Variants in PDE3A observed in about 807,000 individuals in gnomAD.
PDE3A encodes the protein phosphodiesterase 3A, also known as cGMP-inhibited 3',5'-cyclic phosphodiesterase 3A.
Under a neutral mutation model 98.3 loss-of-function variants are expected in PDE3A, and 43 were observed. The ratio of observed to expected loss-of-function variants is 0.44; its 90% confidence interval spans 0.34 to 0.56. The LOEUF (loss-of-function observed/expected upper bound fraction) is 0.56. Among genes scored for constraint, PDE3A ranks in the 20% least tolerant of loss-of-function variants. The pLI is 0.01. For missense variants in PDE3A, 1,427 were observed against 1,440.7 expected (o/e 0.99, Z 0.15); for synonymous variants, 663 against 567.9 (o/e 1.17, Z -2.38).
At chr12:20,622,444 T>C (rs1002891920) in intron 5 of PDE3A, among the ~76,000 whole-genome samples, 1 of 152,188 alleles carries the variant, frequency 6.6e-6, no homozygotes, top group African/African-American at 2.4e-5. Context: ...GATAGCTTTT[T>C]TGTACCATTT....
intron 1 of PDE3A, among the ~76,000 whole-genome samples, chr12:20,438,611 A>G (rs1944816725): frequency 6.6e-6 from 1 of 152,216 alleles, no homozygotes; most frequent in Non-Finnish European, 1.5e-5. Context: ...CATCTTTATC[A>G]CACAGGATAT....
Position 20,369,067 on chromosome 12 carries a change from TGAA to T in PDE3A, c.-213_-211del, listed in dbSNP as rs1408645133. ...AACTTGAGCGTGCTAGCCTTTAACT[TGAA>T]GAAGTCTCATTGGAGCATCTAGCAT... On this transcript the variant is annotated 5_prime_UTR_variant, in exon 1 of 16. Coordinates refer to ENST00000359062, the MANE Select transcript of PDE3A (RefSeq NM_000921.5). 6.6e-6 allele frequency among the ~76,000 whole-genome samples: 1 copy of T among 152,218 alleles called. No homozygotes were observed. The highest frequency in any genetic ancestry group is 2.4e-5 in the African/African-American group (1 of 41,454).
intron 13 of PDE3A, among the ~76,000 whole-genome samples, chr12:20,650,061 TAATA>T (rs1944880384): frequency 6.6e-6 from 1 of 152,246 alleles, no homozygotes; most frequent in Admixed American, 6.5e-5. Flanking sequence ...TGGGTTACAT[TAATA>T]AATTCATATA....
At chr12:20,374,868 T>C (rs1034463652) in intron 1 of PDE3A, among the ~76,000 whole-genome samples, 4 of 152,068 alleles carry the variant, frequency 2.6e-5, no homozygotes, top group African/African-American at 4.8e-5. Context: ...GGATAGGAGT[T>C]GTGTTTTTGA....
At chr12:20,548,063 C>T (rs972628852) in intron 1 of PDE3A, among the ~76,000 whole-genome samples, 3 of 151,896 alleles carry the variant, frequency 2.0e-5, no homozygotes, top group African/African-American at 4.8e-5. Flanking sequence ...AAATAAAAGA[C>T]GGAGAGAAGA....
chr12:20,517,593 G>A (rs1023509997), intron 1 of PDE3A, among the ~76,000 whole-genome samples: 3 of 152,186 alleles, frequency 2.0e-5, no homozygotes, highest in African/African-American at 7.2e-5. Flanking sequence ...AGTTCTACTG[G>A]ATGATTTACT....
chr12:20,374,098 C>T (rs1320062619), intron 1 of PDE3A, among the ~76,000 whole-genome samples: 1 of 152,050 alleles, frequency 6.6e-6, no homozygotes, highest in Admixed American at 6.6e-5. Context: ...ATATTGATTA[C>T]TTATGACTTG....
At chr12:20,625,649 T>C (rs1251571692) in intron 5 of PDE3A, among the ~76,000 whole-genome samples, 1 of 152,166 alleles carries the variant, frequency 6.6e-6, no homozygotes. Flanking sequence ...TGAGAGAGTT[T>C]TATAGCACAA....
intron 15 of PDE3A, among the ~76,000 whole-genome samples, chr12:20,655,593 T>TAAAAC (rs982351188): frequency 1.3e-5 from 2 of 152,216 alleles, no homozygotes; most frequent in South Asian, 2.1e-4. Flanking sequence ...GCTAAAAGCC[T>TAAAAC]AAAACAAAAC....
At chr12:20,528,084 A>C (rs117934617) in intron 1 of PDE3A, among the ~76,000 whole-genome samples, 2 of 152,338 alleles carry the variant, frequency 1.3e-5, no homozygotes, top group South Asian at 2.1e-4. Context: ...TAAAGGGTAC[A>C]TAGGCTTTGT....
At chr12:20,432,519 T>C (rs1183642456) in intron 1 of PDE3A, among the ~76,000 whole-genome samples, 2 of 152,172 alleles carry the variant, frequency 1.3e-5, no homozygotes, top group African/African-American at 2.4e-5. Context: ...GCACAGATTG[T>C]GGTGATGGTT....
At chr12:20,457,686 G>A (rs1304715638) in intron 1 of PDE3A, among the ~76,000 whole-genome samples, 1 of 151,200 alleles carries the variant, frequency 6.6e-6, no homozygotes, top group African/African-American at 2.4e-5. Flanking sequence ...ATCTACTTTT[G>A]GTAGGTTAAA....
chr12:20,400,341 CTT>C (rs1382767774), intron 1 of PDE3A, among the ~76,000 whole-genome samples: 1 of 126,024 alleles, frequency 7.9e-6, no homozygotes, highest in East Asian at 2.1e-4. Flanking sequence ...GTAGCTGAGT[CTT>C]TTGTTATAAA....
chr12:20,465,645 G>A (rs1248557902), intron 1 of PDE3A, among the ~76,000 whole-genome samples: 1 of 152,068 alleles, frequency 6.6e-6, no homozygotes, highest in Non-Finnish European at 1.5e-5. Context: ...TCCTGACCCC[G>A]TAATCTGCCC....
intron 1 of PDE3A, among the ~76,000 whole-genome samples, chr12:20,395,274 G>T (rs1943988232): frequency 6.6e-6 from 1 of 151,846 alleles, no homozygotes; most frequent in African/African-American, 2.4e-5. Flanking sequence ...TTGCAGCCTG[G>T]AAAGTATTAC....
rs765705903 is a variant in PDE3A at position 20,616,375 on chromosome 12, C to A, written c.1415C>A (p.Pro472His). The A allele has an allele frequency of 6.2e-7, 1 of 1,612,802 alleles. No homozygotes were observed. The highest frequency in any genetic ancestry group is 1.1e-5 in the South Asian group (1 of 90,908). Residue 472 changes from proline to histidine, a missense_variant, in exon 4 of 16, where the codon CCT (proline) becomes CAT (histidine). Around this residue, in one of 3 missense-constraint regions of PDE3A, gnomAD observed 1,012 missense variants for 886.5 expected, o/e 1.14. Coordinates refer to ENST00000359062, the MANE Select transcript of PDE3A (RefSeq NM_000921.5). ...ACCAGCATCAAACTGCAGGAAGCAC[C>A]TTCATCCAGGTGGCATACGGCTCCT... ...RSTSIKLQEAPSSSPDSWNNP... is the reference protein window; with the variant it reads ...RSTSIKLQEAHSSSPDSWNNP...
rs1477906980 is a variant in PDE3A at position 20,415,037 on chromosome 12, A to G, written c.960+44793A>G. ...TAGCACATTTTTTTTTTGCTTTCCAAAAAAGCTTTTATTTAAAGACTTTCT... is the reference window on the plus strand; with the variant it reads ...TAGCACATTTTTTTTTTGCTTTCCAGAAAAGCTTTTATTTAAAGACTTTCT... On this transcript the variant is annotated intron_variant, in intron 1 of 15. Transcript: ENST00000359062. Among the ~76,000 whole-genome samples, 3 of 151,990 alleles carry G rather than the reference A, an allele frequency of 2.0e-5. No individual in the cohort carries two copies. In the East Asian group the frequency reaches 5.8e-4, roughly 29 times the overall value.
At chr12:20,665,966 T>C (rs952776655) in intron 15 of PDE3A, among the ~76,000 whole-genome samples, 3 of 144,846 alleles carry the variant, frequency 2.1e-5, no homozygotes, top group Non-Finnish European at 3.0e-5. Flanking sequence ...TTTCTTTTTT[T>C]TTTTTTTTTT....
intron 15 of PDE3A, among the ~76,000 whole-genome samples, chr12:20,659,340 A>T (rs192946653): frequency 1.2e-4 from 18 of 152,300 alleles, no homozygotes; most frequent in Non-Finnish European, 2.1e-4. Context: ...TCTGCAGTAT[A>T]TCAAAATAAA....
Sources: gnomAD v4.1 joint callset for allele counts (sites outside exome capture counted in the v4.1 genomes callset) on GRCh38, gnomAD v4.1.1 for gene constraint, gnomAD v4.1.1 regional missense constraint, MANE v1.5 for transcripts, NCBI Gene and HGNC (gene_info 2026-07-23, HGNC 2026-07-21) for gene names.